The following RNF220 variants were observed in gnomAD, a reference collection of about 807,000 sequenced individuals.
RNF220 encodes the protein E3 ubiquitin-protein ligase RNF220.
Under a neutral mutation model 67.1 loss-of-function variants are expected in RNF220, and 7 were observed. That is an observed-to-expected ratio of 0.10 (90% CI 0.06 to 0.20). The LOEUF is 0.20. Ranked by LOEUF, RNF220 falls within the 10% of genes least tolerant of loss-of-function variation. The pLI is 1.00. For synonymous variants in RNF220, 270 were observed against 283.2 expected (o/e 0.95, Z 0.47); for missense variants, 565 against 740.3 (o/e 0.76, Z 2.75).
chr1:44,595,001 C>T (rs1666372599), intron 2 of RNF220, among the ~76,000 whole-genome samples: 3 of 152,186 alleles, frequency 2.0e-5, no homozygotes, highest in Non-Finnish European at 4.4e-5. Flanking sequence ...GCCAGTGCCT[C>T]CCCACTATGG....
intron 2 of RNF220, among the ~76,000 whole-genome samples, chr1:44,588,150 G>A (rs968174626): frequency 1.3e-5 from 2 of 152,204 alleles, no homozygotes; most frequent in East Asian, 1.9e-4. Flanking sequence ...GGCAAGAGAA[G>A]GTCCCAGTAT....
chr1:44,428,916 C>T (rs1650069100), intron 2 of RNF220, among the ~76,000 whole-genome samples: 1 of 152,030 alleles, frequency 6.6e-6, no homozygotes, highest in Non-Finnish European at 1.5e-5. Flanking sequence ...ACTCCCCCTT[C>T]CACTGTGCCC....
chr1:44,590,157 G>A (rs1666014672), intron 2 of RNF220, among the ~76,000 whole-genome samples: 1 of 152,204 alleles, frequency 6.6e-6, no homozygotes, highest in Non-Finnish European at 1.5e-5. Flanking sequence ...CAAGGAGCAG[G>A]CTGGTACCAG....
chr1:44,462,324 A>T (rs1031775364), intron 2 of RNF220, among the ~76,000 whole-genome samples: 1 of 152,190 alleles, frequency 6.6e-6, no homozygotes, highest in African/African-American at 2.4e-5. Flanking sequence ...TACTACTAAC[A>T]ATGAGTGCAT....
intron 2 of RNF220, among the ~76,000 whole-genome samples, chr1:44,484,655 G>C (rs1419402972): frequency 6.6e-6 from 1 of 152,118 alleles, no homozygotes; most frequent in Admixed American, 6.5e-5. Context: ...CACATCTGGA[G>C]GAGGGTTCTC....
At chr1:44,632,520 A>C in intron 6 of RNF220, 135 bp downstream of exon 6, 1 of 858,684 alleles carries the variant, frequency 1.2e-6, no homozygotes, top group South Asian at 1.5e-5. Context: ...ACGGCGCCTG[A>C]GTATGTGCAA....
At chr1:44,455,008 A>G (rs1421546069) in intron 2 of RNF220, among the ~76,000 whole-genome samples, 1 of 152,214 alleles carries the variant, frequency 6.6e-6, no homozygotes, top group Admixed American at 6.5e-5. Context: ...ACATCTATGA[A>G]CAAGTTTTTG....
chr1:44,524,247 T>TGCCGCC (rs1252343157), intron 2 of RNF220, among the ~76,000 whole-genome samples: 1 of 152,116 alleles, frequency 6.6e-6, no homozygotes, highest in Non-Finnish European at 1.5e-5. Flanking sequence ...TCCTGCGAAC[T>TGCCGCC]GCCGCCGCCA....
intron 2 of RNF220, among the ~76,000 whole-genome samples, chr1:44,551,686 A>G (rs1459700281): frequency 6.6e-6 from 1 of 152,158 alleles, no homozygotes. Context: ...CCAAAGGGGA[A>G]AAAAAATCTT....
At chr1:44,555,505 C>G (rs1033881205) in intron 2 of RNF220, among the ~76,000 whole-genome samples, 3 of 152,154 alleles carry the variant, frequency 2.0e-5, no homozygotes, top group Admixed American at 2.0e-4. Context: ...GATGGAGTCT[C>G]GCTCTGTCAC....
chr1:44,569,882 G>A (rs1216600287), intron 2 of RNF220, among the ~76,000 whole-genome samples: 1 of 152,200 alleles, frequency 6.6e-6, no homozygotes, highest in Non-Finnish European at 1.5e-5. Context: ...CCCAGCAGGA[G>A]TTCATAGTCT....
chr1:44,456,944 C>T (rs374717328), intron 2 of RNF220, among the ~76,000 whole-genome samples: 2 of 152,044 alleles, frequency 1.3e-5, no homozygotes, highest in African/African-American at 2.4e-5. Flanking sequence ...TCTTAGCACC[C>T]GCTGTTCCCT....
At chr1:44,467,142 T>C (rs1654345823) in intron 2 of RNF220, among the ~76,000 whole-genome samples, 1 of 152,246 alleles carries the variant, frequency 6.6e-6, no homozygotes, top group Non-Finnish European at 1.5e-5. Flanking sequence ...CACCTTGTAA[T>C]TTTCTGTTAC....
rs139477211 is a variant in RNF220 at position 44,508,327 on chromosome 1, C to T, written c.625+95605C>T. ...TTTGCTAGTGCATCTCCAGGGTGTT[C>T]GTTGTAAGGAGAGATGGGCGAGTCG... On this transcript the variant is annotated intron_variant, in intron 2 of 14. Coordinates refer to ENST00000361799, the MANE Select transcript of RNF220 (RefSeq NM_018150.4). 2.9e-3 allele frequency among the ~76,000 whole-genome samples: 437 copies of T among 152,030 alleles called. 4 individuals are homozygous for T. The highest frequency in any genetic ancestry group is 9.8e-3 in the African/African-American group (408 of 41,446).
At chr1:44,459,339 A>G (rs79714381) in intron 2 of RNF220, among the ~76,000 whole-genome samples, 3,948 of 152,040 alleles carry the variant, frequency 0.026, 162 homozygotes, top group African/African-American at 0.089. Context: ...TCCCAGAATT[A>G]CTTCCTTTCC....
At chr1:44,526,480 T>G (rs1419717809) in intron 2 of RNF220, among the ~76,000 whole-genome samples, 1 of 152,196 alleles carries the variant, frequency 6.6e-6, no homozygotes, top group Non-Finnish European at 1.5e-5. Context: ...AACTCAGTAC[T>G]ACTCAGTACT....
rs367824146 is a variant in RNF220, at chr1:44,531,933, C to T, written c.626-82232C>T. ...ATAGGGGACATACAAGAATCAGCTT[C>T]CTCTGCCTGTGTCACCCCTCTCTAA... On this transcript the variant is annotated intron_variant, in intron 2 of 14. Coordinates refer to ENST00000361799, the MANE Select transcript of RNF220 (RefSeq NM_018150.4). Among the ~76,000 whole-genome samples, 8 of 152,188 alleles carry T rather than the reference C, an allele frequency of 5.3e-5. 1 individual carries two copies. The East Asian group carries it at 7.7e-4, about 15-fold the overall frequency.
At chr1:44,485,149 GAA>G (rs1270766034) in intron 2 of RNF220, among the ~76,000 whole-genome samples, 1 of 152,188 alleles carries the variant, frequency 6.6e-6, no homozygotes, top group African/African-American at 2.4e-5. Flanking sequence ...ACAAAGAAAA[GAA>G]AAGAGTTGCT....
chr1:44,582,962 C>T (rs192778707), intron 2 of RNF220, among the ~76,000 whole-genome samples: 14 of 152,050 alleles, frequency 9.2e-5, no homozygotes, highest in Admixed American at 3.3e-4. Flanking sequence ...GTCGAGATCA[C>T]GCCATTGCCC....
Sources: gnomAD v4.1 joint callset for allele counts (sites outside exome capture counted in the v4.1 genomes callset) on GRCh38, gnomAD v4.1.1 for gene constraint, MANE v1.5 for transcripts, NCBI Gene and HGNC (gene_info 2026-07-23, HGNC 2026-07-21) for gene names.